Variants in RAB2B observed in about 807,000 individuals in gnomAD.
The protein encoded by RAB2B is RAB2B, member RAS oncogene family.
In RAB2B, 20 loss-of-function variants were observed where a neutral mutation model predicts 29.8. That is an observed-to-expected ratio of 0.67 (90% CI 0.47 to 0.97). The LOEUF is 0.97. RAB2B is among the 50% of genes least tolerant of loss of function. The pLI, the probability that RAB2B is intolerant of heterozygous loss-of-function variation, is 0.00. For synonymous variants in RAB2B, 93 were observed against 91.7 expected (o/e 1.01, Z -0.08); for missense variants, 218 against 272.0 (o/e 0.80, Z 1.40).
intron 5 of RAB2B, among the ~76,000 whole-genome samples, chr14:21,464,491 T>C (rs1890642547): frequency 6.6e-6 from 1 of 152,132 alleles, no homozygotes; most frequent in African/African-American, 2.4e-5. Context: ...TCTTCCTTTT[T>C]TACTGGAATC....
intron 5 of RAB2B, among the ~76,000 whole-genome samples, chr14:21,466,749 G>T (rs1448749880): frequency 6.6e-6 from 1 of 152,148 alleles, no homozygotes; most frequent in Non-Finnish European, 1.5e-5. Flanking sequence ...GTTTCTGGCA[G>T]TTGCTGTTAT....
At position 21,460,567 on chromosome 14, in the gene RAB2B, G is replaced by C. The variant is rs1240717277; in HGVS notation, c.*629C>G. The C allele has an allele frequency of 2.5e-5, 3 of 119,826 alleles. No individual in the cohort carries two copies. Among genetic ancestry groups the C allele is most frequent in the African/African-American group, 9.1e-5 (3 of 32,840 alleles). The allele number at this position is 119,826 out of a possible 1,614,324, so 7.4% of individuals were successfully genotyped here. A position where few individuals can be genotyped will look rare whatever the true frequency, so the allele number is the denominator to read the frequency against. On this transcript the variant is annotated 3_prime_UTR_variant, in exon 8 of 8. Coordinates refer to ENST00000397762, the MANE Select transcript of RAB2B (RefSeq NM_032846.4). ...GCCACTGCACTCCAGCCTGGAGACA[G>C]AGTGAGACTCCATCCCCCCAAAAAA...
chr14:21,476,343 TCTCC>T, intron 2 of RAB2B, 181 bp downstream of exon 2: 1 of 611,848 alleles, frequency 1.6e-6, no homozygotes, highest in Non-Finnish European at 2.9e-6. Flanking sequence ...AATTATATAC[TCTCC>T]CTTACACTAC....
intron 3 of RAB2B, among the ~76,000 whole-genome samples, chr14:21,470,233 A>G (rs994067388): frequency 6.6e-6 from 1 of 152,082 alleles, no homozygotes; most frequent in Non-Finnish European, 1.5e-5. Flanking sequence ...GATTACAGGC[A>G]TGAGCCACCG....
At chr14:21,476,405 G>T in intron 2 of RAB2B, 123 bp downstream of exon 2, 11 of 955,318 alleles carry the variant, frequency 1.2e-5, no homozygotes, top group Non-Finnish European at 1.8e-5. Flanking sequence ...CATAAGTTTG[G>T]ACTAGTTTAA....
chr14:21,474,836 G>A (rs1453257994), intron 3 of RAB2B, 31 bp downstream of exon 3: 1 of 1,567,492 alleles, frequency 6.4e-7, no homozygotes, highest in African/African-American at 1.4e-5. Flanking sequence ...CTTGGATATT[G>A]GTCAGAGACT....
rs1402302422 is a variant in RAB2B, at chr14:21,459,505, T to C, written c.*1691A>G. The C allele has an allele frequency of 1.3e-5, 2 of 152,114 alleles. No individual in the cohort carries two copies. The highest frequency in any genetic ancestry group is 2.9e-5 in the Non-Finnish European group (2 of 68,030). 9.4% of individuals were successfully genotyped at this position (152,114 alleles called of 1,614,324 possible). A position where few individuals can be genotyped will look rare whatever the true frequency, so the allele number is the denominator to read the frequency against. On this transcript the variant is annotated 3_prime_UTR_variant, in exon 8 of 8. Coordinates refer to ENST00000397762, the MANE Select transcript of RAB2B (RefSeq NM_032846.4). ...AGCACTAGGCACTGTAAAGGAATGA[T>C]AGGGGGAATAATTTATAAAAATAAA...
Position 21,460,290 on chromosome 14 carries a change from C to T in RAB2B, c.*906G>A, listed in dbSNP as rs150860316. On this transcript the variant is annotated 3_prime_UTR_variant, in exon 8 of 8. Coordinates refer to ENST00000397762, the MANE Select transcript of RAB2B (RefSeq NM_032846.4). ...GTGGGAAGTGGATTGTATATGCTTA[C>T]GAAATTATTTATTTAGGCCAGGCAC... The T allele has an allele frequency of 7.8e-3, 4,030 of 517,802 alleles. 61 individuals are homozygous for T. The highest frequency in any genetic ancestry group is 0.025 in the South Asian group (1,759 of 71,558). The allele number at this position is 517,802 out of a possible 1,614,324, so 32.1% of individuals were successfully genotyped here.
At chr14:21,474,249 A>C (rs1890892247) in intron 3 of RAB2B, among the ~76,000 whole-genome samples, 1 of 152,178 alleles carries the variant, frequency 6.6e-6, no homozygotes, top group South Asian at 2.1e-4. Flanking sequence ...AACAACCCAA[A>C]TTTCTATCAG....
chr14:21,463,612 G>T (rs1285278629), intron 6 of RAB2B, 44 bp downstream of exon 6: 2 of 1,230,822 alleles, frequency 1.6e-6, no homozygotes, highest in African/African-American at 1.5e-5. Context: ...ACAAATAATG[G>T]TGTAATCTCT....
At chr14:21,461,741 T>G (rs1026965596) in intron 7 of RAB2B, among the ~76,000 whole-genome samples, 2 of 152,198 alleles carry the variant, frequency 1.3e-5, no homozygotes, top group Admixed American at 6.5e-5. Context: ...ACTGCACCCC[T>G]GTGCTCATTT....
chr14:21,473,527 T>A (rs1226968049), intron 3 of RAB2B, among the ~76,000 whole-genome samples: 1 of 152,218 alleles, frequency 6.6e-6, no homozygotes, highest in Non-Finnish European at 1.5e-5. Context: ...TGACAGAGTT[T>A]CCATTTCTGG....
At chr14:21,476,754 C>A in intron 1 of RAB2B, 73 bp downstream of exon 1, 1 of 1,600,358 alleles carries the variant, frequency 6.2e-7, no homozygotes, top group Non-Finnish European at 8.6e-7. Flanking sequence ...CAAAGTGAGC[C>A]CCGCCCCCGC....
Position 21,471,508 on chromosome 14 carries a change from C to T in RAB2B, c.187-2756G>A, listed in dbSNP as rs9672044. Among the ~76,000 whole-genome samples, 319 of 151,026 alleles carry T rather than the reference C, an allele frequency of 2.1e-3. 1 individual carries two copies. The highest frequency in any genetic ancestry group is 7.1e-3 in the African/African-American group (290 of 41,114). On this transcript the variant is annotated intron_variant, in intron 3 of 7. Transcript: ENST00000397762. ...TGGCACACATCTGTAGTCCCAGCTA[C>T]TTGAGGGGCTGAGGTGGGAGGACTA... is the stretch of plus-strand genomic sequence containing the variant.
In RAB2B at chr14:21,468,728, T is replaced by C. The variant is rs780512676; in HGVS notation, c.211A>G (p.Ile71Val). Reference protein sequence around the residue: ...DTAGQESFRSITRSYYRGAAG... With the variant: ...DTAGQESFRSVTRSYYRGAAG... ...GCTCCCCTGTAGTAGGAACGGGTGA[T>C]AGAACGGAAGGATTCTTGCCCAGCC... Residue 71 changes from isoleucine to valine, a missense_variant, in exon 4 of 8, where the codon ATC becomes GTC. By Grantham distance (29) the Ile-to-Val change is conservative. Transcript: ENST00000397762. 2.6e-6 allele frequency: 4 copies of C among 1,563,160 alleles called. No individual in the cohort carries two copies. The highest frequency in any genetic ancestry group is 2.4e-5 in the South Asian group (2 of 82,254).
Position 21,468,447 on chromosome 14 carries a change from C to T in RAB2B, c.272G>A (p.Arg91His), listed in dbSNP as rs765476447. 15 of 1,613,526 alleles carry T rather than the reference C, an allele frequency of 9.3e-6. No homozygotes were observed. Among genetic ancestry groups the T allele is most frequent in the East Asian group, 2.2e-5 (1 of 44,872 alleles). The part of the protein sequence containing the change: ...GALLVYDITR[R>H]ETFNHLTSWL... ...TGAGGTCAGGTGGTTGAAGGTTTCA[C>T]GCCTACAGCAGAAAAATTTAGAATG... is the stretch of plus-strand genomic sequence containing the variant. Residue 91 changes from arginine (R) to histidine (H), a missense_variant and splice_region_variant, in exon 5 of 8, where the codon CGT (arginine) becomes CAT (histidine). Physicochemically the swap from Arg to His is conservative, Grantham distance 29 (BLOSUM62 0). Transcript: ENST00000397762.
intron 5 of RAB2B, among the ~76,000 whole-genome samples, chr14:21,467,223 T>A (rs2139598612): frequency 6.6e-6 from 1 of 152,256 alleles, no homozygotes; most frequent in South Asian, 2.1e-4. Flanking sequence ...TTCTTTTTTT[T>A]ATATAGGGTC....
chr14:21,473,910 G>A, intron 3 of RAB2B, among the ~76,000 whole-genome samples: 1 of 152,210 alleles, frequency 6.6e-6, no homozygotes, highest in Non-Finnish European at 1.5e-5. Context: ...TATTCGGGAG[G>A]CTGAGACAGG....
intron 3 of RAB2B, among the ~76,000 whole-genome samples, chr14:21,470,242 C>T (rs192556653): frequency 6.6e-6 from 1 of 152,056 alleles, no homozygotes; most frequent in African/African-American, 2.4e-5. Context: ...CATGAGCCAC[C>T]GTGCCTGGCT....
Sources: allele counts gnomAD v4.1 joint callset (sites outside exome capture counted in the v4.1 genomes callset), GRCh38; gene constraint gnomAD v4.1.1; transcripts MANE v1.5; gene names NCBI Gene and HGNC (gene_info 2026-07-23, HGNC 2026-07-21).